WDPCP: variants seen among roughly 807,000 people sequenced by gnomAD.
WDPCP encodes the protein WD repeat-containing and planar cell polarity effector protein fritz homolog.
In WDPCP, 71 loss-of-function variants were observed where a neutral mutation model predicts 93.1. The observed-to-expected ratio is 0.76, with a 90% CI of 0.63 to 0.93. The LOEUF is 0.93. WDPCP is among the 40% of genes least tolerant of loss of function. The pLI is 0.00. For missense variants in WDPCP, 844 were observed against 887.4 expected (o/e 0.95, Z 0.62); for synonymous variants, 315 against 315.0 (o/e 1.00, Z 0.00).
At chr2:63,594,252 G>A (rs111596344) in intron 3 of WDPCP, 31 of 606,772 alleles carry the variant, frequency 5.1e-5, no homozygotes, top group African/African-American at 2.7e-4. Flanking sequence ...CAAAAAAGGT[G>A]GATAAGATTA....
At chr2:63,789,708 GA>G (rs1254028480) in intron 2 of WDPCP, among the ~76,000 whole-genome samples, 2 of 152,174 alleles carry the variant, frequency 1.3e-5, no homozygotes, top group Non-Finnish European at 1.5e-5. Context: ...TGAAATTAAT[GA>G]AAAGAAACTC....
intron 9 of WDPCP, among the ~76,000 whole-genome samples, chr2:63,418,614 G>A (rs1430737099): frequency 6.6e-6 from 1 of 152,116 alleles, no homozygotes; most frequent in Admixed American, 6.5e-5. Context: ...ATACATGTTG[G>A]GGATTTCAGG....
intron 1 of WDPCP, among the ~76,000 whole-genome samples, chr2:63,815,441 T>A (rs1670919595): frequency 6.6e-6 from 1 of 152,242 alleles, no homozygotes; most frequent in Admixed American, 6.5e-5. Context: ...AATAAGATAC[T>A]CTTTTCCTTA....
At chr2:63,319,241 G>A (rs1481616597) in intron 12 of WDPCP, among the ~76,000 whole-genome samples, 2 of 152,124 alleles carry the variant, frequency 1.3e-5, no homozygotes, top group Admixed American at 6.6e-5. Context: ...GGGTTTTATA[G>A]TTGTAGGTTT....
intron 14 of WDPCP, among the ~76,000 whole-genome samples, chr2:63,191,818 G>A (rs1458757688): frequency 6.6e-6 from 1 of 152,084 alleles, no homozygotes; most frequent in African/African-American, 2.4e-5. Flanking sequence ...ATACAAGAAA[G>A]ATATATTTTT....
At chr2:63,132,326 T>C (rs1333079583) in intron 17 of WDPCP, among the ~76,000 whole-genome samples, 1 of 151,952 alleles carries the variant, frequency 6.6e-6, no homozygotes. Context: ...TATGTCTCTT[T>C]GGGTTTATTA....
Position 63,230,941 on chromosome 2 carries a change from G to T in WDPCP, c.1915+28366C>A, listed in dbSNP as rs1159194435. On this transcript the variant is annotated intron_variant, in intron 14 of 17. Coordinates refer to ENST00000272321, the MANE Select transcript of WDPCP (RefSeq NM_015910.7). ...GTGCAGAAGCTCCTTAATTTAATCA[G>T]ATCCCATTTCTCAACTTTGGCTTTT... Among the ~76,000 whole-genome samples, 3 of 152,160 alleles carry T rather than the reference G, an allele frequency of 2.0e-5. No individual in the cohort carries two copies. The East Asian group carries it at 5.8e-4, about 29-fold the overall frequency.
chr2:63,550,762 CATAT>C (rs752965359), intron 1 of WDPCP, among the ~76,000 whole-genome samples: 3 of 138,266 alleles, frequency 2.2e-5, no homozygotes, highest in African/African-American at 8.4e-5. Flanking sequence ...TATATATACA[CATAT>C]ATATGTGCAT....
chr2:63,398,602 GAGT>G (rs1693923516), intron 10 of WDPCP, among the ~76,000 whole-genome samples: 11 of 152,140 alleles, frequency 7.2e-5, no homozygotes, highest in African/African-American at 2.2e-4. Context: ...CCTAATCTAA[GAGT>G]CTAACTCCAA....
intron 2 of WDPCP, among the ~76,000 whole-genome samples, chr2:63,808,476 C>T (rs895076193): frequency 3.3e-5 from 5 of 152,150 alleles, no homozygotes; most frequent in East Asian, 3.9e-4. Flanking sequence ...CGAATGCCTG[C>T]GATTGCGGGC....
intron 1 of WDPCP, among the ~76,000 whole-genome samples, chr2:63,587,934 A>G (rs1009120912): frequency 6.6e-6 from 1 of 152,230 alleles, no homozygotes; most frequent in Non-Finnish European, 1.5e-5. Context: ...GGAGAGGCTC[A>G]CCTCCTACAA....
At chr2:63,281,653 A>C (rs934939139) in intron 13 of WDPCP, among the ~76,000 whole-genome samples, 1 of 152,240 alleles carries the variant, frequency 6.6e-6, no homozygotes, top group African/African-American at 2.4e-5. Context: ...CATAAAAAGG[A>C]ATTGAATAAT....
intron 14 of WDPCP, among the ~76,000 whole-genome samples, chr2:63,176,650 C>A (rs149061423): frequency 1.1e-4 from 17 of 152,266 alleles, no homozygotes; most frequent in Non-Finnish European, 1.8e-4. Flanking sequence ...GATATTAATG[C>A]TTTGTCAGAT....
intron 14 of WDPCP, among the ~76,000 whole-genome samples, chr2:63,197,782 A>T (rs542020706): frequency 6.6e-6 from 1 of 152,188 alleles, no homozygotes; most frequent in Admixed American, 6.5e-5. Context: ...AGTTCTATCC[A>T]TGTTGCTGCA....
At chr2:63,317,674 C>G (rs1686758575) in intron 12 of WDPCP, among the ~76,000 whole-genome samples, 1 of 152,144 alleles carries the variant, frequency 6.6e-6, no homozygotes, top group South Asian at 2.1e-4. Context: ...AAATGACCTC[C>G]TATTTAATAA....
At chr2:63,592,127 C>T (rs1204511013), upstream of WDPCP, among the ~76,000 whole-genome samples, 1 of 152,046 alleles carries the variant, frequency 6.6e-6, no homozygotes, top group African/African-American at 2.4e-5. Flanking sequence ...CCAATGGATT[C>T]CCTGGCCTAA....
intron 1 of WDPCP, among the ~76,000 whole-genome samples, chr2:63,507,992 G>C (rs1018421853): frequency 1.3e-5 from 2 of 152,096 alleles, no homozygotes; most frequent in Admixed American, 6.6e-5. Context: ...GAGAATGGGA[G>C]CAAGTTGGAA....
rs560073944 is a variant in WDPCP, at chr2:63,152,965, C to T, written c.2159-20G>A. 31 of 1,609,592 alleles carry T rather than the reference C, an allele frequency of 1.9e-5. No individual in the cohort carries two copies. The highest frequency in any genetic ancestry group is 2.5e-5 in the Non-Finnish European group (30 of 1,176,970). ...CTCCGTCTAAAGTAAAAGATTAAAA[C>T]ATTAATTATCTTAAAAGTCTAATAA... On this transcript the variant is annotated intron_variant, in intron 16 of 17. Transcript: ENST00000272321.
intron 2 of WDPCP, among the ~76,000 whole-genome samples, chr2:63,798,118 T>TCCCAGAACAATAAA (rs1670642743): frequency 1.3e-5 from 2 of 152,082 alleles, no homozygotes; most frequent in Admixed American, 1.3e-4. Context: ...CTAAAGACTT[T>TCCCAGAACAATAAA]CCCAGAACAA....
Sources: allele counts gnomAD v4.1 joint callset (sites outside exome capture counted in the v4.1 genomes callset), GRCh38; gene constraint gnomAD v4.1.1; transcripts MANE v1.5; gene names NCBI Gene and HGNC (gene_info 2026-07-23, HGNC 2026-07-21).